ANK2: variants seen among roughly 807,000 people sequenced by gnomAD.
The protein encoded by ANK2 is ankyrin 2.
In ANK2, 83 loss-of-function variants were observed where a neutral mutation model predicts 360.5. That is an observed-to-expected ratio of 0.23 (90% confidence interval 0.19 to 0.28). The LOEUF (loss-of-function observed/expected upper bound fraction) is 0.28, where lower values mean the gene tolerates loss of function less well. ANK2 is among the 10% of genes least tolerant of loss of function. The pLI is 1.00. For missense variants in ANK2, 4,201 were observed against 4,795.7 expected (o/e 0.88, Z 3.66); for synonymous variants, 1,740 against 1,759.5 (o/e 0.99, Z 0.28).
At chr4:113,153,541 T>C (rs2154397442) in intron 1 of ANK2, among the ~76,000 whole-genome samples, 1 of 152,344 alleles carries the variant, frequency 6.6e-6, no homozygotes, top group Non-Finnish European at 1.5e-5. Flanking sequence ...CACAGATTTG[T>C]CTATACCATC....
At chr4:113,036,696 TC>T (rs2061683245) in intron 2 of ANK2, among the ~76,000 whole-genome samples, 1 of 151,920 alleles carries the variant, frequency 6.6e-6, no homozygotes, top group East Asian at 1.9e-4. Flanking sequence ...TTTGAAACTT[TC>T]TGTTGAAATA....
chr4:112,758,882 G>T, the ANK2 span, among the ~76,000 whole-genome samples: 1 of 152,050 alleles, frequency 6.6e-6, no homozygotes, highest in Non-Finnish European at 1.5e-5. Flanking sequence ...GCCACTTTGG[G>T]GATGAGGAAC....
chr4:112,743,581 A>G, the ANK2 span, among the ~76,000 whole-genome samples: 1 of 108,272 alleles, frequency 9.2e-6, no homozygotes, highest in Non-Finnish European at 1.8e-5. Context: ...TTTGAGACAG[A>G]GTTTCACTTT....
chr4:112,927,107 C>A (rs2092655562), intron 2 of ANK2, among the ~76,000 whole-genome samples: 1 of 152,118 alleles, frequency 6.6e-6, no homozygotes, highest in South Asian at 2.1e-4. Flanking sequence ...AGGGAACCAC[C>A]CCCATGATTC....
chr4:113,000,669 G>T (rs1286907979), intron 2 of ANK2, among the ~76,000 whole-genome samples: 1 of 152,202 alleles, frequency 6.6e-6, no homozygotes, highest in Non-Finnish European at 1.5e-5. Context: ...ATAGAGTTCA[G>T]TGTTGAGTAA....
intron 24 of ANK2, among the ~76,000 whole-genome samples, chr4:113,314,034 A>G (rs1211045342): frequency 6.6e-6 from 1 of 152,192 alleles, no homozygotes; most frequent in East Asian, 1.9e-4. Context: ...CAATTAGCCT[A>G]TGTGTAGTTG....
intron 2 of ANK2, among the ~76,000 whole-genome samples, chr4:112,953,379 T>C (rs1386338620): frequency 6.6e-6 from 1 of 152,384 alleles, no homozygotes; most frequent in East Asian, 1.9e-4. Flanking sequence ...AGTTCTGTTT[T>C]AAGGTGTTTG....
intron 2 of ANK2, among the ~76,000 whole-genome samples, chr4:113,181,607 A>C (rs181706908): frequency 2.2e-4 from 33 of 152,292 alleles, no homozygotes; most frequent in Admixed American, 1.2e-3. Context: ...GCAGGGGAGA[A>C]GGAGAGAGGG....
intron 2 of ANK2, among the ~76,000 whole-genome samples, chr4:112,944,719 G>T (rs1419778364): frequency 6.6e-6 from 1 of 152,176 alleles, no homozygotes; most frequent in Non-Finnish European, 1.5e-5. Flanking sequence ...AGATTAGCTT[G>T]TTTGCAATGA....
At position 113,369,760 on chromosome 4, in the gene ANK2, G is replaced by A. The variant is rs1454479618; in HGVS notation, c.11565G>A (p.Gln3855=). 2 of 1,614,100 alleles carry A rather than the reference G, an allele frequency of 1.2e-6. No homozygotes were observed. Among genetic ancestry groups the A allele is most frequent in the Admixed American group, 3.3e-5 (2 of 60,020 alleles). ...TAATAGTGGAGTCTGCCGATAACCAGCCTGAGACCTGTGAAAGACTCGATG... is the reference window on the plus strand; with the variant it reads ...TAATAGTGGAGTCTGCCGATAACCAACCTGAGACCTGTGAAAGACTCGATG... The part of the protein sequence containing the change: ...SLVIVESADN[Q]PETCERLDED... The change falls in exon 43 of 46, where the codon CAG becomes CAA. Residue 3855 remains glutamine, a synonymous_variant. Transcript: ENST00000357077.
intron 1 of ANK2, among the ~76,000 whole-genome samples, chr4:113,109,351 A>G (rs748358170): frequency 1.1e-4 from 16 of 152,160 alleles, no homozygotes; most frequent in African/African-American, 1.9e-4. Context: ...TACTTCTGCC[A>G]GTCTTTGTGG....
At chr4:113,289,360 A>T (rs546536787) in intron 20 of ANK2, among the ~76,000 whole-genome samples, 1 of 152,050 alleles carries the variant, frequency 6.6e-6, no homozygotes, top group African/African-American at 2.4e-5. Context: ...GGTGCATGAC[A>T]CCATGCCCGG....
chr4:112,813,494 C>A (rs1376930164), upstream of ANK2, among the ~76,000 whole-genome samples: 1 of 151,792 alleles, frequency 6.6e-6, no homozygotes, highest in African/African-American at 2.4e-5. Context: ...TCATTTTCAA[C>A]TTTCTATACT....
At chr4:112,714,829 A>T in the ANK2 span, among the ~76,000 whole-genome samples, 1 of 152,346 alleles carries the variant, frequency 6.6e-6, no homozygotes, top group East Asian at 1.9e-4. Context: ...AGATTATGGT[A>T]TATTAAGGAG....
the ANK2 span, among the ~76,000 whole-genome samples, chr4:112,737,940 C>T: frequency 3.9e-5 from 6 of 152,134 alleles, no homozygotes; most frequent in African/African-American, 1.2e-4. Context: ...ATGTAAATAG[C>T]AGGAGATTTG....
chr4:113,121,949 T>A (rs534948605), intron 1 of ANK2, among the ~76,000 whole-genome samples: 1 of 152,262 alleles, frequency 6.6e-6, no homozygotes, highest in East Asian at 1.9e-4. Context: ...AAAGTTCTCA[T>A]CAAGTTGTAA....
intron 32 of ANK2, 69 bp downstream of exon 32, chr4:113,339,391 ATTTT>A: frequency 8.0e-7 from 1 of 1,244,162 alleles, no homozygotes; most frequent in Non-Finnish European, 1.2e-6. Context: ...CCTTTGTTTT[ATTTT>A]GTTTCTTTAT....
intron 2 of ANK2, among the ~76,000 whole-genome samples, chr4:113,028,458 G>A (rs966580752): frequency 6.6e-5 from 10 of 152,104 alleles, no homozygotes; most frequent in African/African-American, 2.2e-4. Context: ...TAGGCACTAC[G>A]CAAAGGTGAC....
intron 45 of ANK2, among the ~76,000 whole-genome samples, chr4:113,379,433 C>T (rs978786923): frequency 9.2e-5 from 14 of 152,138 alleles, no homozygotes; most frequent in Admixed American, 3.3e-4. Context: ...TTATTTTATA[C>T]ATTGTTAAAG....
Sources: gnomAD v4.1 joint callset for allele counts (sites outside exome capture counted in the v4.1 genomes callset) on GRCh38, gnomAD v4.1.1 for gene constraint, MANE v1.5 for transcripts, NCBI Gene and HGNC (gene_info 2026-07-23, HGNC 2026-07-21) for gene names.